The following RNFT2 variants were observed in gnomAD, a reference collection of about 807,000 sequenced individuals.
RNFT2 encodes ring finger protein, transmembrane 2, also known as E3 ubiquitin-protein ligase RNFT2.
Under a neutral mutation model 53.0 loss-of-function variants are expected in RNFT2, and 36 were observed. That is an observed-to-expected ratio of 0.68 (90% CI 0.52 to 0.90). The LOEUF is 0.90. Among genes scored for constraint, RNFT2 ranks in the 40% least tolerant of loss-of-function variants. RNFT2 has a pLI of 0.00. For synonymous variants in RNFT2, 260 were observed against 253.2 expected (o/e 1.03, Z -0.26); for missense variants, 514 against 585.6 (o/e 0.88, Z 1.26).
chr12:116,759,889 C>G (rs1452954717), intron 5 of RNFT2, among the ~76,000 whole-genome samples: 1 of 152,070 alleles, frequency 6.6e-6, no homozygotes, highest in Admixed American at 6.5e-5. Context: ...GGTAGCGTGG[C>G]GAGGAACCCG....
intron 5 of RNFT2, among the ~76,000 whole-genome samples, chr12:116,763,891 ATACT>A: frequency 1.3e-5 from 2 of 152,286 alleles, no homozygotes; most frequent in South Asian, 4.2e-4. Flanking sequence ...TACGAAAAAA[ATACT>A]TACATACTCA....
chr12:116,766,043 A>G (rs1261687195), intron 5 of RNFT2, among the ~76,000 whole-genome samples: 1 of 152,200 alleles, frequency 6.6e-6, no homozygotes, highest in African/African-American at 2.4e-5. Flanking sequence ...AGCCCAAGGC[A>G]GGAGGATCAC....
At chr12:116,802,957 C>T (rs538392116) in intron 7 of RNFT2, among the ~76,000 whole-genome samples, 47 of 151,788 alleles carry the variant, frequency 3.1e-4, no homozygotes, top group African/African-American at 1.1e-3. Context: ...TAGCCTAGCA[C>T]GGTAGCATAT....
Position 116,803,729 on chromosome 12 carries a change from C to T in RNFT2, c.882+24381C>T, listed in dbSNP as rs1030210260. Among the ~76,000 whole-genome samples, 3 of 152,296 alleles carry T rather than the reference C, an allele frequency of 2.0e-5. No individual in the cohort carries two copies. In the South Asian group the frequency reaches 6.2e-4, roughly 32 times the overall value. ...CATCCCCCAGGATGTTCTCATAGGA[C>T]AATTTCTCAACTTGAGGTGTATATA... On this transcript the variant is annotated intron_variant, in intron 7 of 10. Transcript: ENST00000257575.
intron 7 of RNFT2, among the ~76,000 whole-genome samples, chr12:116,796,880 A>G (rs1874526974): frequency 6.6e-6 from 1 of 152,152 alleles, no homozygotes. Flanking sequence ...GGTTCCAACT[A>G]CCCACACACA....
chr12:116,837,403 C>A (rs537855182), intron 10 of RNFT2, among the ~76,000 whole-genome samples: 1 of 151,558 alleles, frequency 6.6e-6, no homozygotes, highest in African/African-American at 2.4e-5. Flanking sequence ...AGGCAGAGAG[C>A]GATGAGTTCC....
chr12:116,852,584 A>G lies in RNFT2; in HGVS notation c.*3136A>G, dbSNP rs2137234617. On this transcript the variant is annotated 3_prime_UTR_variant, in exon 11 of 11. Coordinates refer to ENST00000257575, the MANE Select transcript of RNFT2 (RefSeq NM_001382266.1). ...GCTCTGTTCTCCCTACCCTGAGGAA[A>G]AACCAAAGGGAAGCAACAGGAACTT... 6.2e-7 allele frequency: 1 copy of G among 1,613,178 alleles called. No homozygotes were observed. The highest frequency in any genetic ancestry group is 8.5e-7 in the Non-Finnish European group (1 of 1,179,378).
rs1326190546 is a variant in RNFT2, at chr12:116,852,137, C to T, written c.*2689C>T. Reference sequence around the variant, plus strand: ...CACGCAGAAGCCACCAGAATCTTGCCTGCCCTATTCCTCCTCCCAAGTCTG... The same window carrying T: ...CACGCAGAAGCCACCAGAATCTTGCTTGCCCTATTCCTCCTCCCAAGTCTG... On this transcript the variant is annotated 3_prime_UTR_variant, in exon 11 of 11. Coordinates refer to ENST00000257575, the MANE Select transcript of RNFT2 (RefSeq NM_001382266.1). 16 of 1,025,196 alleles carry T rather than the reference C, an allele frequency of 1.6e-5. No homozygotes were observed. Among genetic ancestry groups the T allele is most frequent in the Non-Finnish European group, 2.0e-5 (15 of 739,706 alleles). 63.5% of individuals were successfully genotyped at this position (1,025,196 alleles called of 1,614,324 possible). A position where few individuals can be genotyped will look rare whatever the true frequency, so the allele number is the denominator to read the frequency against.
At chr12:116,841,958 T>C (rs866892827) in intron 10 of RNFT2, among the ~76,000 whole-genome samples, 1 of 6,386 alleles carries the variant, frequency 1.6e-4, no homozygotes, top group Non-Finnish European at 3.1e-4. Flanking sequence ...AATATATATA[T>C]AGAGAGAGAG....
At chr12:116,782,079 C>CAAAGAAAAAAAAAAAAAAAAA (rs1566079526) in intron 7 of RNFT2, 1 of 34,346 alleles carries the variant, frequency 2.9e-5, no homozygotes, top group Admixed American at 5.9e-4. Context: ...ACTCCGTCTC[C>CAAAGAAAAAAAAAAAAAAAAA]AAAAAAAAAA....
intron 3 of RNFT2, among the ~76,000 whole-genome samples, chr12:116,746,492 T>A (rs1445918198): frequency 5.9e-5 from 9 of 152,140 alleles, no homozygotes; most frequent in Non-Finnish European, 1.5e-5. Context: ...CAGGGGACTG[T>A]CATTGTCTAG....
chr12:116,750,809 AATAT>A (rs1491170919), intron 4 of RNFT2, among the ~76,000 whole-genome samples: 1 of 25,212 alleles, frequency 4.0e-5, no homozygotes, highest in Non-Finnish European at 7.4e-5. Context: ...ATATATATAT[AATAT>A]ATATATTATA....
intron 7 of RNFT2, among the ~76,000 whole-genome samples, chr12:116,814,067 C>T (rs117062015): frequency 1.1e-3 from 174 of 152,244 alleles, no homozygotes; most frequent in Non-Finnish European, 2.1e-3. Context: ...GAAAACATGA[C>T]CCCAGCCCTC....
Position 116,800,090 on chromosome 12 carries a change from G to A in RNFT2, c.882+20742G>A, listed in dbSNP as rs146826466. On this transcript the variant is annotated intron_variant, in intron 7 of 10. Transcript: ENST00000257575. ...CACACCTGCTCCCCCTTCACCTTCT[G>A]CCATGAGTAAAAGCTTCCTGAAGCT... 2.5e-3 allele frequency among the ~76,000 whole-genome samples: 377 copies of A among 152,274 alleles called. 3 individuals are homozygous for A. Among genetic ancestry groups the A allele is most frequent in the African/African-American group, 8.5e-3 (352 of 41,552 alleles).
At chr12:116,741,572 G>A (rs1213556346) in intron 3 of RNFT2, among the ~76,000 whole-genome samples, 1 of 152,140 alleles carries the variant, frequency 6.6e-6, no homozygotes, top group Non-Finnish European at 1.5e-5. Flanking sequence ...CTTTTTAAGG[G>A]CACTAATCCC....
At chr12:116,831,767 T>C (rs573314869) in intron 7 of RNFT2, among the ~76,000 whole-genome samples, 1 of 151,522 alleles carries the variant, frequency 6.6e-6, no homozygotes, top group African/African-American at 2.4e-5. Context: ...TAGGAGTGTA[T>C]ATTTCAATGA....
At chr12:116,750,880 ATT>A (rs1872201748) in intron 4 of RNFT2, among the ~76,000 whole-genome samples, 2 of 34,164 alleles carry the variant, frequency 5.9e-5, no homozygotes, top group African/African-American at 1.5e-4. Flanking sequence ...TAATATATAT[ATT>A]ATATATATAA....
At chr12:116,826,395 G>A (rs1207579741) in intron 7 of RNFT2, among the ~76,000 whole-genome samples, 1 of 152,172 alleles carries the variant, frequency 6.6e-6, no homozygotes, top group African/African-American at 2.4e-5. Flanking sequence ...GTGGCAGGGA[G>A]GCGAGACAGC....
Position 116,750,441 on chromosome 12 carries a change from T to A in RNFT2, c.550+134T>A, listed in dbSNP as rs114786349. Reference sequence around the variant, plus strand: ...CCAACATGGGCTTCAGGATGTGGGATTCTGAGTCAGACCTGGGTTCAAATC... The same window carrying A: ...CCAACATGGGCTTCAGGATGTGGGAATCTGAGTCAGACCTGGGTTCAAATC... On this transcript the variant is annotated intron_variant, in intron 4 of 10. Coordinates refer to ENST00000257575, the MANE Select transcript of RNFT2 (RefSeq NM_001382266.1). 7.9e-4 allele frequency: 674 copies of A among 852,980 alleles called. 5 individuals carry two copies. In the African/African-American group the frequency reaches 0.01, roughly 13 times the overall value. 52.8% of individuals were successfully genotyped at this position (852,980 alleles called of 1,614,324 possible).
Sources: gnomAD v4.1 joint callset for allele counts (sites outside exome capture counted in the v4.1 genomes callset) on GRCh38, gnomAD v4.1.1 for gene constraint, MANE v1.5 for transcripts, NCBI Gene and HGNC (gene_info 2026-07-23, HGNC 2026-07-21) for gene names.